Variants in VIT observed in about 807,000 individuals in gnomAD.
VIT encodes the protein vitrin.
Under a neutral mutation model 78.0 loss-of-function variants are expected in VIT, and 99 were observed. The observed-to-expected ratio is 1.27, with a 90% CI of 1.08 to 1.50. The LOEUF (loss-of-function observed/expected upper bound fraction) is 1.50. VIT is among the 40% of genes most tolerant of loss of function. VIT has a pLI of 0.00. For missense variants in VIT, 1,126 were observed against 875.3 expected (o/e 1.29, Z -3.61); for synonymous variants, 374 against 334.3 (o/e 1.12, Z -1.29).
intron 15 of VIT, among the ~76,000 whole-genome samples, chr2:36,810,500 C>T (rs752615997): frequency 2.0e-5 from 3 of 152,156 alleles, no homozygotes; most frequent in South Asian, 4.1e-4. Context: ...GAGAAAACCC[C>T]AAGTGATAAT....
At position 36,700,832 on chromosome 2, in the gene VIT, T is replaced by C. The variant is rs144542771; in HGVS notation, c.-19+3859T>C. 2.6e-3 allele frequency among the ~76,000 whole-genome samples: 399 copies of C among 152,232 alleles called. 1 individual carries two copies. The highest frequency in any genetic ancestry group is 9.1e-3 in the African/African-American group (379 of 41,506). On this transcript the variant is annotated intron_variant, in intron 1 of 15. Coordinates refer to ENST00000379242, the MANE Select transcript of VIT (RefSeq NM_053276.4). ...CAAGCCCTTTTCATATATCAATTCA[T>C]TTAACCCTAACAGCAAACATATGAG... is the stretch of plus-strand genomic sequence containing the variant.
At chr2:36,768,389 A>G (rs1669561897) in intron 7 of VIT, among the ~76,000 whole-genome samples, 1 of 152,160 alleles carries the variant, frequency 6.6e-6, no homozygotes, top group South Asian at 2.1e-4. Flanking sequence ...CCGAGATCGC[A>G]CCACTGCACT....
At position 36,773,833 on chromosome 2, in the gene VIT, C is replaced by A. The variant is rs1357260342; in HGVS notation, c.722C>A (p.Pro241His). The part of the protein sequence containing the change: ...TATYTSSQNR[P>H]RADPGIQRQD... The stretch of plus-strand genomic sequence containing the variant: ...ACCTACACAAGCAGCCAAAACAGGC[C>A]CAGAGCTGATCCAGGTAAGACCTTA... Residue 241 changes from proline to histidine, a missense_variant, in exon 8 of 16, where the codon CCC (proline) becomes CAC (histidine). Coordinates refer to ENST00000379242, the MANE Select transcript of VIT (RefSeq NM_053276.4). 6.2e-7 allele frequency: 1 copy of A among 1,602,072 alleles called. No homozygotes were observed. Among genetic ancestry groups the A allele is most frequent in the East Asian group, 2.2e-5 (1 of 44,602 alleles).
At chr2:36,713,477 C>T (rs770545423) in intron 1 of VIT, among the ~76,000 whole-genome samples, 26 of 152,140 alleles carry the variant, frequency 1.7e-4, no homozygotes, top group Non-Finnish European at 2.9e-4. Context: ...CTGAGTAAGA[C>T]GGGGAGCCAC....
intron 7 of VIT, among the ~76,000 whole-genome samples, chr2:36,769,234 T>C (rs1669609948): frequency 6.6e-6 from 1 of 152,238 alleles, no homozygotes; most frequent in South Asian, 2.1e-4. Flanking sequence ...GTTTTCTCCT[T>C]AGAGGACTTT....
At chr2:36,790,757 C>T (rs929888191) in intron 12 of VIT, among the ~76,000 whole-genome samples, 1 of 152,202 alleles carries the variant, frequency 6.6e-6, no homozygotes, top group African/African-American at 2.4e-5. Flanking sequence ...GTAATTGCTA[C>T]TTTTCACCTC....
chr2:36,720,685 C>T (rs1666449259), intron 2 of VIT, among the ~76,000 whole-genome samples: 1 of 152,046 alleles, frequency 6.6e-6, no homozygotes, highest in Non-Finnish European at 1.5e-5. Context: ...GCTGGGGAGC[C>T]AGGGAAATAG....
In VIT at chr2:36,808,333, T is replaced by G. The variant is rs971722720; in HGVS notation, c.1390-139T>G. On this transcript the variant is annotated intron_variant, in intron 14 of 15. Coordinates refer to ENST00000379242, the MANE Select transcript of VIT (RefSeq NM_053276.4). Reference sequence around the variant, plus strand: ...TGAGTGGCCGCTGGGTGAACCGAGATGGAAGAACACGGTAGGAGGGCTAGT... The same window carrying G: ...TGAGTGGCCGCTGGGTGAACCGAGAGGGAAGAACACGGTAGGAGGGCTAGT... The G allele has an allele frequency of 6.5e-6, 8 of 1,238,226 alleles. No homozygotes were observed. The East Asian group carries it at 1.6e-4, about 24-fold the overall frequency. 76.7% of individuals were successfully genotyped at this position (1,238,226 alleles called of 1,614,324 possible). A position where few individuals can be genotyped will look rare whatever the true frequency, so the allele number is the denominator to read the frequency against.
chr2:36,707,569 C>T (rs1035169057), intron 1 of VIT, among the ~76,000 whole-genome samples: 2 of 152,156 alleles, frequency 1.3e-5, no homozygotes, highest in African/African-American at 4.8e-5. Flanking sequence ...CCATCCTTGC[C>T]TTATGCCTCG....
intron 11 of VIT, among the ~76,000 whole-genome samples, chr2:36,786,887 T>C (rs980866227): frequency 1.3e-5 from 2 of 152,196 alleles, no homozygotes; most frequent in Non-Finnish European, 2.9e-5. Flanking sequence ...AAACCCATAA[T>C]TGTGGCAGAT....
At chr2:36,784,304 A>G (rs116828646) in intron 11 of VIT, among the ~76,000 whole-genome samples, 159 of 152,322 alleles carry the variant, frequency 1.0e-3, no homozygotes, top group African/African-American at 3.7e-3. Context: ...ACCTGAAGAC[A>G]TTATTAAAGA....
At chr2:36,793,526 G>A (rs1665650984) in intron 12 of VIT, among the ~76,000 whole-genome samples, 1 of 152,182 alleles carries the variant, frequency 6.6e-6, no homozygotes, top group Non-Finnish European at 1.5e-5. Context: ...TTTTCCATCT[G>A]AACCAGGTAA....
chr2:36,808,947 AC>A lies in VIT; in HGVS notation c.1866del (p.Asp622GlufsTer12), dbSNP rs1360740349. 6.2e-7 allele frequency: 1 copy of A among 1,606,362 alleles called. No homozygotes were observed. The highest frequency in any genetic ancestry group is 1.7e-5 in the Admixed American group (1 of 59,742). ...MILITDGRSY[D>X]DVRIPAMAAH... The stretch of plus-strand genomic sequence containing the variant: ...CTCATCACCGACGGGAGGTCCTACG[AC>A]GACGTCCGGATCCCAGCCATGGCTG... On this transcript the variant is annotated frameshift_variant, in exon 15 of 16. Transcript: ENST00000379242. LOFTEE classifies it high-confidence loss of function.
Position 36,751,768 on chromosome 2 carries a change from T to C in VIT, c.276-3153T>C, listed in dbSNP as rs547109899. On this transcript the variant is annotated intron_variant, in intron 4 of 15. Transcript: ENST00000379242. Reference sequence around the variant, plus strand: ...AAAACAAGATTTGCTGCTTGAGCAATTGAGTGCCACTGTGACTTCCCAGAC... The same window carrying C: ...AAAACAAGATTTGCTGCTTGAGCAACTGAGTGCCACTGTGACTTCCCAGAC... 1.3e-3 allele frequency among the ~76,000 whole-genome samples: 202 copies of C among 152,264 alleles called. 1 individual carries two copies. The highest frequency in any genetic ancestry group is 0.01 in the Middle Eastern group (3 of 294).
intron 15 of VIT, among the ~76,000 whole-genome samples, chr2:36,813,036 CAAAAAAA>C (rs113165454): frequency 1.4e-4 from 17 of 125,128 alleles, no homozygotes; most frequent in African/African-American, 4.5e-4. Context: ...TAATTTTTTG[CAAAAAAA>C]AAAAAAAAAA....
intron 1 of VIT, among the ~76,000 whole-genome samples, chr2:36,712,673 T>C (rs910369095): frequency 1.1e-4 from 16 of 152,072 alleles, no homozygotes; most frequent in Admixed American, 9.2e-4. Flanking sequence ...CCGTCTGTAC[T>C]AAAAATACAA....
chr2:36,796,062 G>C (rs1460936310), intron 12 of VIT, among the ~76,000 whole-genome samples: 1 of 150,506 alleles, frequency 6.6e-6, no homozygotes, highest in African/African-American at 2.5e-5. Flanking sequence ...GTGTGATGAA[G>C]CTATGGAAAA....
intron 8 of VIT, among the ~76,000 whole-genome samples, chr2:36,774,094 C>G (rs534113409): frequency 6.6e-6 from 1 of 152,162 alleles, no homozygotes; most frequent in Non-Finnish European, 1.5e-5. Context: ...ATAGGAATGT[C>G]TCAGGATTCA....
At chr2:36,727,086 A>G (rs576643692) in intron 2 of VIT, among the ~76,000 whole-genome samples, 39 of 152,296 alleles carry the variant, frequency 2.6e-4, no homozygotes, top group Non-Finnish European at 4.4e-4. Flanking sequence ...AGGAAGCTCA[A>G]CTATCTGCAG....
Sources: allele counts gnomAD v4.1 joint callset (sites outside exome capture counted in the v4.1 genomes callset), GRCh38; gene constraint gnomAD v4.1.1; transcripts MANE v1.5; gene names NCBI Gene and HGNC (gene_info 2026-07-23, HGNC 2026-07-21).